Variants in DST observed in about 807,000 individuals in gnomAD.
DST encodes the protein bullous pemphigoid antigen.
A neutral mutation model predicts 875.2 loss-of-function variants in DST; 253 were observed. The ratio of observed to expected loss-of-function variants is 0.29; its 90% confidence interval spans 0.26 to 0.32. DST has a LOEUF of 0.32. DST is among the 10% of genes least tolerant of loss of function. The probability of loss-of-function intolerance (pLI) is 1.00; values close to 1 mark genes in which losing one functional copy is unlikely to be tolerated. For synonymous variants in DST, 3,124 were observed against 3,197.1 expected (o/e 0.98, Z 0.77); for missense variants, 8,287 against 9,111.6 (o/e 0.91, Z 3.68).
intron 82 of DST, among the ~76,000 whole-genome samples, chr6:56,496,775 C>T (rs565831267): frequency 6.6e-6 from 1 of 152,142 alleles, no homozygotes; most frequent in South Asian, 2.1e-4. Context: ...AAATGTCCAA[C>T]AATGATAGAC....
In DST at chr6:56,471,260, T is replaced by C; in HGVS notation, c.22167A>G (p.Glu7389=). Residue 7389 remains glutamate (E), a synonymous_variant, in exon 95 of 104, where the codon GAA becomes GAG. Transcript: ENST00000680361. The stretch of plus-strand genomic sequence containing the variant: ...AGATATCAAAATCAAAGTTAGCAAA[T>C]TCCCTCAGCTAAAAGGACAAAAAGT... ...DALDRLEELR[E]FANFDFDIWR... is the part of the protein sequence containing the mutation. 1.3e-6 allele frequency: 2 copies of C among 1,583,800 alleles called. No individual in the cohort carries two copies. Among genetic ancestry groups the C allele is most frequent in the Non-Finnish European group, 1.7e-6 (2 of 1,163,396 alleles).
At chr6:56,856,175 A>C (rs1002578622) in intron 3 of DST, among the ~76,000 whole-genome samples, 2 of 152,238 alleles carry the variant, frequency 1.3e-5, no homozygotes, top group African/African-American at 4.8e-5. Context: ...CAACATTTTT[A>C]GAAGGGGAAC....
intron 93 of DST, 104 bp from the exon 94 acceptor site, chr6:56,472,326 C>T (rs775631830): frequency 2.9e-5 from 29 of 992,084 alleles, no homozygotes; most frequent in Middle Eastern, 2.2e-4. Context: ...AACTTAATTA[C>T]GTGTTTACGC....
intron 4 of DST, among the ~76,000 whole-genome samples, chr6:56,778,798 C>G (rs865815449): frequency 4.0e-5 from 6 of 151,894 alleles, no homozygotes; most frequent in South Asian, 2.1e-4. Flanking sequence ...GGACATTTGG[C>G]TTGGTTCCAA....
chr6:56,606,243 C>A lies in DST; in HGVS notation c.8385G>T (p.Gly2795=), dbSNP rs1445132785. The A allele has an allele frequency of 6.4e-7, 1 of 1,567,184 alleles. No individual in the cohort carries two copies. Among genetic ancestry groups the A allele is most frequent in the Admixed American group, 1.9e-5 (1 of 51,978 alleles). The change falls in exon 40 of 104, where the codon GGG becomes GGT. Residue 2795 remains glycine (G), a synonymous_variant. Coordinates refer to ENST00000680361, the MANE Select transcript of DST (RefSeq NM_001374736.1). ...LDSMQSEESY[G]DYIYDSNDQD... is the part of the protein sequence containing the mutation. ...GATCATTACTGTCATATATATAATC[C>A]CCATAACTTTCTTCACTTTGCATAG...
intron 3 of DST, among the ~76,000 whole-genome samples, chr6:56,887,071 A>G (rs1784999309): frequency 6.6e-6 from 1 of 152,234 alleles, no homozygotes; most frequent in Admixed American, 6.5e-5. Context: ...TAGAACCATG[A>G]GCCTAGAAAA....
At chr6:56,742,839 T>C (rs2099552030) in intron 4 of DST, among the ~76,000 whole-genome samples, 1 of 152,222 alleles carries the variant, frequency 6.6e-6, no homozygotes, top group Non-Finnish European at 1.5e-5. Context: ...ACATACATCC[T>C]TCTGGGAGAA....
intron 5 of DST, among the ~76,000 whole-genome samples, chr6:56,731,596 A>G (rs2099498656): frequency 6.6e-6 from 1 of 152,238 alleles, no homozygotes. Flanking sequence ...GAAACCATCA[A>G]TAAGAGATTG....
chr6:56,601,381 G>GT, intron 44 of DST, 62 bp downstream of exon 44: 1 of 1,078,204 alleles, frequency 9.3e-7, no homozygotes, highest in South Asian at 1.5e-5. Flanking sequence ...TACTCCTTGG[G>GT]TATCTACATT....
At chr6:56,582,859 C>T (rs1351197482) in intron 49 of DST, among the ~76,000 whole-genome samples, 1 of 151,820 alleles carries the variant, frequency 6.6e-6, no homozygotes, top group Non-Finnish European at 1.5e-5. Context: ...GGTTTTTTGG[C>T]CTTGTGATAG....
chr6:56,863,685 C>T (rs1772485694), intron 3 of DST, among the ~76,000 whole-genome samples: 1 of 152,158 alleles, frequency 6.6e-6, no homozygotes, highest in African/African-American at 2.4e-5. Context: ...ATAGCTTCCT[C>T]CAACAATAAT....
chr6:56,485,530 A>C (rs1214269938), intron 87 of DST, 59 bp from the exon 88 acceptor site: 24 of 1,512,264 alleles, frequency 1.6e-5, no homozygotes, highest in Admixed American at 1.9e-5. Flanking sequence ...CATATATCTG[A>C]ACATCTAAAA....
intron 3 of DST, among the ~76,000 whole-genome samples, chr6:56,867,339 C>T (rs1236202923): frequency 1.3e-5 from 2 of 152,142 alleles, no homozygotes; most frequent in Non-Finnish European, 2.9e-5. Flanking sequence ...TAAGAAATGC[C>T]CACTACTGTT....
intron 43 of DST, chr6:56,602,114 C>T: frequency 3.5e-6 from 1 of 285,558 alleles, no homozygotes; most frequent in Non-Finnish European, 6.8e-6. Context: ...GCCAGAATTT[C>T]AGTTTTCTGA....
At chr6:56,484,434 A>G (rs1215678181) in intron 88 of DST, 6 of 152,180 alleles carry the variant, frequency 3.9e-5, no homozygotes, top group African/African-American at 9.6e-5. Flanking sequence ...TAAATATGTA[A>G]TAAGACTTTT....
chr6:56,938,108 C>CTCTCTCTCTCTCTCTCTCTA (rs1383243392), intron 2 of DST, among the ~76,000 whole-genome samples: 2 of 120,728 alleles, frequency 1.7e-5, no homozygotes, highest in African/African-American at 7.0e-5. Flanking sequence ...CTCTCTCTCT[C>CTCTCTCTCTCTCTCTCTCTA]TATATATATA....
At chr6:56,748,448 C>G (rs563453385) in intron 4 of DST, among the ~76,000 whole-genome samples, 5 of 152,264 alleles carry the variant, frequency 3.3e-5, no homozygotes, top group South Asian at 4.1e-4. Flanking sequence ...AAAACAGAAT[C>G]ATAGGTATTA....
chr6:56,817,446 T>C (rs2099767889), intron 4 of DST, among the ~76,000 whole-genome samples: 1 of 152,208 alleles, frequency 6.6e-6, no homozygotes, highest in Non-Finnish European at 1.5e-5. Flanking sequence ...AAGCAATTTA[T>C]GAAAATAAAA....
intron 4 of DST, among the ~76,000 whole-genome samples, chr6:56,839,510 G>A (rs1017957634): frequency 1.1e-4 from 16 of 152,150 alleles, no homozygotes; most frequent in Non-Finnish European, 5.9e-5. Flanking sequence ...ATTAACCTAT[G>A]AACAGAGCAT....
Sources: allele counts gnomAD v4.1 joint callset (sites outside exome capture counted in the v4.1 genomes callset), GRCh38; gene constraint gnomAD v4.1.1; transcripts MANE v1.5; gene names NCBI Gene and HGNC (gene_info 2026-07-23, HGNC 2026-07-21).